DLGAP2: variants seen among roughly 807,000 people sequenced by gnomAD.
DLGAP2 encodes DLG associated protein 2, also known as disks large-associated protein 2.
DLGAP2 carries 26 observed loss-of-function variants against 100.3 expected under a neutral mutation model. The ratio of observed to expected loss-of-function variants is 0.26; its 90% CI spans 0.19 to 0.36. The LOEUF (loss-of-function observed/expected upper bound fraction) is 0.36. DLGAP2 is among the 10% of genes least tolerant of loss of function. The pLI is 1.00. For synonymous variants in DLGAP2, 886 were observed against 630.1 expected, an observed-to-expected ratio of 1.41 and a Z score of -6.08; for missense variants, 1,858 against 1,453.2, an observed-to-expected ratio of 1.28 and a Z score of -4.53.
intron 1 of DLGAP2, among the ~76,000 whole-genome samples, chr8:887,473 G>T (rs371786975): frequency 2.4e-4 from 36 of 152,290 alleles, no homozygotes; most frequent in African/African-American, 8.2e-4. Context: ...AGTGTCATTG[G>T]TCTTTATATT....
intron 3 of DLGAP2, among the ~76,000 whole-genome samples, chr8:1,498,944 C>T (rs906899256): frequency 6.6e-6 from 1 of 152,240 alleles, no homozygotes; most frequent in South Asian, 2.1e-4. Context: ...CATGCATGTA[C>T]CCTCAGCCCA....
intron 2 of DLGAP2, among the ~76,000 whole-genome samples, chr8:911,730 A>T (rs1798489327): frequency 6.6e-6 from 1 of 151,374 alleles, no homozygotes; most frequent in African/African-American, 2.4e-5. Context: ...GGTATAATGT[A>T]TGTTGGAAGG....
At chr8:1,228,321 C>G (rs1798464762) in intron 2 of DLGAP2, among the ~76,000 whole-genome samples, 1 of 152,144 alleles carries the variant, frequency 6.6e-6, no homozygotes, top group Admixed American at 6.5e-5. Context: ...AATAATCAAG[C>G]TAACTATGCC....
At chr8:791,392 C>T (rs1822022813) in intron 1 of DLGAP2, among the ~76,000 whole-genome samples, 1 of 152,278 alleles carries the variant, frequency 6.6e-6, no homozygotes, top group South Asian at 2.1e-4. Context: ...ACAATTTAAA[C>T]AGGGATATGT....
At chr8:823,932 A>G (rs982589900) in intron 1 of DLGAP2, among the ~76,000 whole-genome samples, 1 of 152,138 alleles carries the variant, frequency 6.6e-6, no homozygotes, top group Non-Finnish European at 1.5e-5. Flanking sequence ...CCCTTATACG[A>G]TGGAACCCCA....
chr8:1,350,164 C>G (rs1403152227), intron 3 of DLGAP2, among the ~76,000 whole-genome samples: 1 of 152,138 alleles, frequency 6.6e-6, no homozygotes, highest in Non-Finnish European at 1.5e-5. Context: ...CTACTTCATG[C>G]TCTTGTGGCG....
intron 2 of DLGAP2, among the ~76,000 whole-genome samples, chr8:1,108,988 G>A (rs1196536734): frequency 6.9e-6 from 1 of 145,370 alleles, no homozygotes; most frequent in Non-Finnish European, 1.5e-5. Context: ...TGTGAGGTGT[G>A]CACATGCCTA....
At chr8:1,017,486 G>GCCTCCACTGTGTGTGTGACCAGGACAGAC (rs1801488514) in intron 2 of DLGAP2, among the ~76,000 whole-genome samples, 2 of 41,996 alleles carry the variant, frequency 4.8e-5, no homozygotes, top group Non-Finnish European at 9.4e-5. Flanking sequence ...CAGGACAGAC[G>GCCTCCACTGTGTGTGTGACCAGGACAGAC]GCGCCTCCAC....
intron 1 of DLGAP2, among the ~76,000 whole-genome samples, chr8:825,051 C>T (rs7463216): frequency 2.0e-5 from 3 of 152,078 alleles, no homozygotes; most frequent in East Asian, 1.9e-4. Context: ...GAGTAAGATA[C>T]GCACCACATC....
intron 2 of DLGAP2, among the ~76,000 whole-genome samples, chr8:988,720 C>A (rs571221480): frequency 4.3e-4 from 66 of 152,216 alleles, no homozygotes; most frequent in African/African-American, 1.5e-3. Context: ...TGTCCACCTG[C>A]CCTCTGGTTC....
intron 3 of DLGAP2, among the ~76,000 whole-genome samples, chr8:1,411,950 C>T (rs1796742717): frequency 6.6e-6 from 1 of 152,182 alleles, no homozygotes; most frequent in South Asian, 2.1e-4. Context: ...CCTCCACGTT[C>T]AGACACATGC....
intron 8 of DLGAP2, among the ~76,000 whole-genome samples, chr8:1,650,110 G>A (rs1201774921): frequency 2.6e-5 from 4 of 152,130 alleles, no homozygotes; most frequent in Admixed American, 2.0e-4. Flanking sequence ...TAATAAAAAC[G>A]AGTATTTCTT....
chr8:1,696,589 G>C (rs756936228), intron 13 of DLGAP2, among the ~76,000 whole-genome samples: 6 of 152,196 alleles, frequency 3.9e-5, no homozygotes, highest in Non-Finnish European at 5.9e-5. Context: ...TGGGCCACTC[G>C]GCCCAGGGCT....
chr8:1,463,561 G>A (rs953854789), intron 3 of DLGAP2, among the ~76,000 whole-genome samples: 1 of 152,264 alleles, frequency 6.6e-6, no homozygotes, highest in Non-Finnish European at 1.5e-5. Flanking sequence ...CCCCGAGCTG[G>A]TCCGGCCTCG....
chr8:1,281,081 T>C (rs1170375185), intron 3 of DLGAP2, among the ~76,000 whole-genome samples: 1 of 152,204 alleles, frequency 6.6e-6, no homozygotes, highest in Non-Finnish European at 1.5e-5. Context: ...GAGAATGCTG[T>C]AGGTTTCAAT....
chr8:1,359,362 A>G (rs554378550), intron 3 of DLGAP2, among the ~76,000 whole-genome samples: 50 of 152,374 alleles, frequency 3.3e-4, no homozygotes, highest in African/African-American at 1.1e-3. Context: ...GTTTAGGAGA[A>G]AGGAAATTGA....
intron 6 of DLGAP2, among the ~76,000 whole-genome samples, chr8:1,583,914 C>T (rs946545012): frequency 1.2e-4 from 18 of 152,074 alleles, no homozygotes; most frequent in Admixed American, 9.8e-4. Context: ...GACTTGAAGT[C>T]GGCTGTTCAC....
At chr8:1,504,922 A>G (rs1378938192) in intron 4 of DLGAP2, among the ~76,000 whole-genome samples, 2 of 152,290 alleles carry the variant, frequency 1.3e-5, no homozygotes, top group African/African-American at 2.4e-5. Flanking sequence ...TTCCTTTATC[A>G]TTCTAATGTA....
intron 1 of DLGAP2, among the ~76,000 whole-genome samples, chr8:853,972 T>G (rs1324711844): frequency 1.3e-5 from 2 of 152,058 alleles, no homozygotes; most frequent in African/African-American, 4.8e-5. Context: ...AAAAGGGACC[T>G]GAGAGAGCTC....
Sources: allele counts gnomAD v4.1 joint callset (sites outside exome capture counted in the v4.1 genomes callset), GRCh38; gene constraint gnomAD v4.1.1; transcripts MANE v1.5; gene names NCBI Gene and HGNC (gene_info 2026-07-23, HGNC 2026-07-21).